SOX6: variants seen among roughly 807,000 people sequenced by gnomAD.
SOX6 encodes transcription factor SOX-6.
In SOX6, 11 loss-of-function variants were observed where a neutral mutation model predicts 97.8. The ratio of observed to expected loss-of-function variants is 0.11; its 90% CI spans 0.07 to 0.19. The LOEUF is 0.19. Ranked by LOEUF, SOX6 falls within the 10% of genes least tolerant of loss-of-function variation. The pLI is 1.00. For missense variants in SOX6, 810 were observed against 1,039.5 expected (o/e 0.78, Z 3.04); for synonymous variants, 360 against 371.4 (o/e 0.97, Z 0.35).
intron 1 of SOX6, among the ~76,000 whole-genome samples, chr11:16,738,164 A>G (rs1276041451): frequency 6.6e-6 from 1 of 152,098 alleles, no homozygotes; most frequent in East Asian, 1.9e-4. Flanking sequence ...AACATTTAGA[A>G]AGCAGCATCA....
At position 16,188,847 on chromosome 11, in the gene SOX6, T is replaced by C. The variant is rs193072573; in HGVS notation, c.536-1892A>G. ...GGAGGCTGAGGCAGGTGGCTCGCCT[T>C]AGGTCAGGAGTTCAAGACCAGCCTG... On this transcript the variant is annotated intron_variant, in intron 4 of 15. Transcript: ENST00000683767. Among the ~76,000 whole-genome samples the C allele has an allele frequency of 4.6e-3, 697 of 151,972 alleles. 8 individuals carry two copies. The highest frequency in any genetic ancestry group is 0.02 in the Middle Eastern group (6 of 294).
chr11:16,259,978 T>C (rs1394179185), intron 3 of SOX6, among the ~76,000 whole-genome samples: 1 of 152,008 alleles, frequency 6.6e-6, no homozygotes, highest in Admixed American at 6.6e-5. Context: ...TGTGTGTATA[T>C]ATACACATAT....
chr11:16,155,288 G>A (rs923917992), intron 6 of SOX6, among the ~76,000 whole-genome samples: 1 of 152,040 alleles, frequency 6.6e-6, no homozygotes, highest in Non-Finnish European at 1.5e-5. Flanking sequence ...CTGAATTCGA[G>A]GTCTTCCACT....
intron 1 of SOX6, among the ~76,000 whole-genome samples, chr11:16,376,657 A>G (rs16933000): frequency 0.025 from 3,752 of 152,180 alleles, 137 homozygotes; most frequent in African/African-American, 0.078. Flanking sequence ...TGATCTCTAT[A>G]AGGTTAAAGT....
intron 4 of SOX6, 116 bp downstream of exon 4, chr11:16,234,466 A>C: frequency 1.5e-6 from 1 of 659,760 alleles, no homozygotes; most frequent in Non-Finnish European, 2.7e-6. Flanking sequence ...TCTCATGTAC[A>C]ATCAAATGTT....
At chr11:16,480,112 A>C (rs1860318837), upstream of SOX6, among the ~76,000 whole-genome samples, 1 of 152,170 alleles carries the variant, frequency 6.6e-6, no homozygotes, top group Non-Finnish European at 1.5e-5. Flanking sequence ...AATTTATAGA[A>C]TATCAAATAC....
intron 14 of SOX6, among the ~76,000 whole-genome samples, chr11:15,988,133 C>T (rs1853926618): frequency 6.6e-6 from 1 of 152,182 alleles, no homozygotes; most frequent in South Asian, 2.1e-4. Context: ...AAATGGCTTC[C>T]TTTGAGATTT....
intron 1 of SOX6, among the ~76,000 whole-genome samples, chr11:16,471,174 A>C (rs991876791): frequency 2.0e-5 from 3 of 152,164 alleles, no homozygotes; most frequent in African/African-American, 7.2e-5. Context: ...GAGATAAGAA[A>C]AAATCAAATG....
intron 1 of SOX6, among the ~76,000 whole-genome samples, chr11:16,415,339 G>C (rs1858905061): frequency 1.4e-5 from 2 of 147,110 alleles, no homozygotes; most frequent in Non-Finnish European, 1.5e-5. Context: ...AAAAAAAAAA[G>C]CTGATTTCAT....
chr11:16,483,968 T>C, intron 4 of SOX6: 1 of 858,396 alleles, frequency 1.2e-6, no homozygotes, highest in Non-Finnish European at 2.0e-6. Context: ...TTATTGTGCT[T>C]GGCTGTGATC....
intron 9 of SOX6, among the ~76,000 whole-genome samples, chr11:16,066,712 G>T (rs1848102218): frequency 6.6e-6 from 1 of 152,118 alleles, no homozygotes; most frequent in Non-Finnish European, 1.5e-5. Context: ...TTGAGCTCAT[G>T]GAGATAGAGA....
intron 4 of SOX6, among the ~76,000 whole-genome samples, chr11:16,506,413 G>T (rs1860790098): frequency 6.6e-6 from 1 of 152,182 alleles, no homozygotes; most frequent in Non-Finnish European, 1.5e-5. Flanking sequence ...TACCCCCATT[G>T]TATCTTGGAA....
chr11:16,199,654 T>C (rs568331982), intron 4 of SOX6, among the ~76,000 whole-genome samples: 217 of 152,324 alleles, frequency 1.4e-3, no homozygotes, highest in Middle Eastern at 3.4e-3. Flanking sequence ...ACAGTGATAT[T>C]AAAAGGCACA....
intron 4 of SOX6, among the ~76,000 whole-genome samples, chr11:16,540,224 T>C (rs565880871): frequency 6.6e-6 from 1 of 152,092 alleles, no homozygotes; most frequent in Non-Finnish European, 1.5e-5. Context: ...AAAAACCACA[T>C]GATTATCTCA....
At chr11:16,356,015 G>A (rs555361739) in intron 1 of SOX6, among the ~76,000 whole-genome samples, 79 bp downstream of exon 1, 1 of 152,092 alleles carries the variant, frequency 6.6e-6, no homozygotes, top group South Asian at 2.1e-4. Context: ...AATCAGGTAG[G>A]CTTTGAAGTT....
At chr11:16,545,889 C>A (rs1003622781) in intron 4 of SOX6, among the ~76,000 whole-genome samples, 2 of 152,102 alleles carry the variant, frequency 1.3e-5, no homozygotes, top group Non-Finnish European at 2.9e-5. Flanking sequence ...GCAGTTGAGG[C>A]TGCAGTGAGC....
intron 3 of SOX6, among the ~76,000 whole-genome samples, chr11:16,262,948 T>C (rs1853946880): frequency 6.6e-6 from 1 of 151,978 alleles, no homozygotes; most frequent in Non-Finnish European, 1.5e-5. Context: ...TTGCTAAATC[T>C]TTATTTAATA....
At chr11:16,555,394 T>C (rs981799912) in intron 4 of SOX6, among the ~76,000 whole-genome samples, 10 of 151,652 alleles carry the variant, frequency 6.6e-5, no homozygotes, top group Admixed American at 5.3e-4. Context: ...TAAGTGTTTC[T>C]TAAATAAAAT....
intron 4 of SOX6, among the ~76,000 whole-genome samples, chr11:16,609,044 T>C (rs936601775): frequency 6.6e-6 from 1 of 152,140 alleles, no homozygotes; most frequent in Non-Finnish European, 1.5e-5. Flanking sequence ...GGGTAGATTA[T>C]AGATTTGAAG....
Sources: allele counts gnomAD v4.1 joint callset (sites outside exome capture counted in the v4.1 genomes callset), GRCh38; gene constraint gnomAD v4.1.1; transcripts MANE v1.5; gene names NCBI Gene and HGNC (gene_info 2026-07-23, HGNC 2026-07-21).